ANO2: variants seen among roughly 807,000 people sequenced by gnomAD.
ANO2 encodes the protein anoctamin 2.
A neutral mutation model predicts 124.2 loss-of-function variants in ANO2; 101 were observed. That is an observed-to-expected ratio of 0.81 (90% CI 0.69 to 0.96). The LOEUF (loss-of-function observed/expected upper bound fraction) is 0.96. Ranked by LOEUF, ANO2 falls within the 40% of genes least tolerant of loss-of-function variation. ANO2 has a pLI of 0.00. For missense variants in ANO2, 1,293 were observed against 1,274.5 expected (o/e 1.01, Z -0.22); for synonymous variants, 486 against 482.5 (o/e 1.01, Z -0.09).
chr12:5,753,704 G>A (rs1951501339), intron 10 of ANO2, among the ~76,000 whole-genome samples: 1 of 151,968 alleles, frequency 6.6e-6, no homozygotes, highest in Non-Finnish European at 1.5e-5. Context: ...TAGGTTGTTA[G>A]TGCACAGAAA....
At chr12:5,666,029 G>T (rs1036963636) in intron 14 of ANO2, among the ~76,000 whole-genome samples, 60 of 152,070 alleles carry the variant, frequency 3.9e-4, no homozygotes, top group Admixed American at 2.0e-3. Context: ...CCCTCTCCTT[G>T]GTCTCATCAT....
At chr12:5,754,677 A>G (rs1437563646) in intron 10 of ANO2, among the ~76,000 whole-genome samples, 1 of 152,118 alleles carries the variant, frequency 6.6e-6, no homozygotes, top group African/African-American at 2.4e-5. Context: ...TGTTGATTAT[A>G]TGGTTCTAAG....
chr12:5,865,181 A>G (rs1034203630), intron 3 of ANO2, among the ~76,000 whole-genome samples: 4 of 152,226 alleles, frequency 2.6e-5, no homozygotes, highest in Non-Finnish European at 4.4e-5. Context: ...CTATGATTCA[A>G]TCATCCTAAC....
In ANO2 at chr12:5,635,468, G is replaced by T; in HGVS notation, c.1621-121C>A. On this transcript the variant is annotated intron_variant, in intron 15 of 24. Transcript: ENST00000682330. This position sits in a 1 kb window ranked among gnomAD's most constrained non-coding sequence, Gnocchi z 5.2. ...TTATTAATCTGGAATCTTTTGTTGG[G>T]TAACAAGGGATTCCAGATATTATTA... 1 of 837,188 alleles carries T rather than the reference G, an allele frequency of 1.2e-6. No homozygotes were observed. Among genetic ancestry groups the T allele is most frequent in the Non-Finnish European group, 1.7e-6 (1 of 600,884 alleles). The allele number at this position is 837,188 out of a possible 1,614,324, so 51.9% of individuals were successfully genotyped here. A position where few individuals can be genotyped will look rare whatever the true frequency, so the allele number is the denominator to read the frequency against.
intron 10 of ANO2, among the ~76,000 whole-genome samples, 190 bp from the exon 11 acceptor site, chr12:5,751,160 G>T (rs1296088018): frequency 6.6e-6 from 1 of 152,170 alleles, no homozygotes; most frequent in African/African-American, 2.4e-5. Flanking sequence ...AGCTTTTCTG[G>T]AATGACGTGC....
intron 10 of ANO2, among the ~76,000 whole-genome samples, chr12:5,772,261 G>T (rs1161611775): frequency 2.6e-5 from 4 of 152,132 alleles, no homozygotes; most frequent in African/African-American, 9.7e-5. Flanking sequence ...GACAGAGAAA[G>T]AATTCCATTA....
At chr12:5,588,471 G>A (rs1200925641) in intron 20 of ANO2, among the ~76,000 whole-genome samples, 1 of 152,200 alleles carries the variant, frequency 6.6e-6, no homozygotes, top group East Asian at 1.9e-4. Flanking sequence ...AGTCATCTGG[G>A]TGACCTTAGG....
intron 3 of ANO2, among the ~76,000 whole-genome samples, chr12:5,919,016 G>C (rs1386460221): frequency 6.6e-6 from 1 of 152,118 alleles, no homozygotes; most frequent in African/African-American, 2.4e-5. Context: ...GTCTGTCCTG[G>C]GTGCTGGGGA....
At chr12:5,776,610 G>A (rs763602480) in intron 10 of ANO2, among the ~76,000 whole-genome samples, 5 of 152,222 alleles carry the variant, frequency 3.3e-5, no homozygotes, top group Non-Finnish European at 7.3e-5. Context: ...GCCATTCAGG[G>A]ACGGTACCAG....
intron 7 of ANO2, among the ~76,000 whole-genome samples, chr12:5,818,430 T>C (rs1296368670): frequency 7.2e-6 from 1 of 138,364 alleles, no homozygotes; most frequent in African/African-American, 2.8e-5. Flanking sequence ...TGTGAGTTAA[T>C]ACTTAATAAA....
intron 10 of ANO2, among the ~76,000 whole-genome samples, chr12:5,762,089 T>G (rs1951759411): frequency 6.6e-6 from 1 of 152,086 alleles, no homozygotes; most frequent in Non-Finnish European, 1.5e-5. Flanking sequence ...GAATTTTGTT[T>G]TATGATATGT....
intron 3 of ANO2, among the ~76,000 whole-genome samples, chr12:5,884,065 A>G (rs1938709389): frequency 6.6e-6 from 1 of 152,236 alleles, no homozygotes; most frequent in African/African-American, 2.4e-5. Context: ...TGGGAAACCT[A>G]TAGAGGGACA....
chr12:5,660,140 G>C (rs1947366010), intron 14 of ANO2, among the ~76,000 whole-genome samples: 1 of 152,096 alleles, frequency 6.6e-6, no homozygotes, highest in Admixed American at 6.5e-5. Flanking sequence ...GCCATTAAAT[G>C]CATTTTCTAC....
chr12:5,715,950 T>C (rs1950009139), intron 14 of ANO2, among the ~76,000 whole-genome samples: 1 of 152,178 alleles, frequency 6.6e-6, no homozygotes, highest in South Asian at 2.1e-4. Context: ...TGGGCAACTA[T>C]TGAAATAATA....
At chr12:5,685,219 T>C (rs1478706559) in intron 14 of ANO2, among the ~76,000 whole-genome samples, 4 of 152,184 alleles carry the variant, frequency 2.6e-5, no homozygotes, top group African/African-American at 9.7e-5. Context: ...GGCTTGGTCC[T>C]CAGGTCATCA....
chr12:5,784,509 TTACTTCC>T (rs777058422), intron 10 of ANO2, among the ~76,000 whole-genome samples: 19 of 152,236 alleles, frequency 1.2e-4, no homozygotes, highest in Non-Finnish European at 2.5e-4. Flanking sequence ...GGGTGGCTGC[TTACTTCC>T]TGCACTGGAG....
chr12:5,613,651 T>C (rs943092689), intron 17 of ANO2, among the ~76,000 whole-genome samples: 4 of 152,200 alleles, frequency 2.6e-5, no homozygotes, highest in African/African-American at 4.8e-5. Flanking sequence ...TTTAAGGCTG[T>C]GTAAGCCTTT....
chr12:5,715,463 C>A (rs1385008178), intron 14 of ANO2, among the ~76,000 whole-genome samples: 2 of 152,114 alleles, frequency 1.3e-5, no homozygotes, highest in East Asian at 1.9e-4. Context: ...TACAAGTAAC[C>A]CACCCATTCC....
intron 10 of ANO2, among the ~76,000 whole-genome samples, chr12:5,789,322 G>A (rs1952630827): frequency 6.6e-6 from 1 of 152,234 alleles, no homozygotes; most frequent in Non-Finnish European, 1.5e-5. Flanking sequence ...CATTTTGTTA[G>A]AGTTGATGAC....
Sources: allele counts gnomAD v4.1 joint callset (sites outside exome capture counted in the v4.1 genomes callset), GRCh38; gene constraint gnomAD v4.1.1; non-coding constraint Gnocchi (gnomAD v3.1); transcripts MANE v1.5; gene names NCBI Gene and HGNC (gene_info 2026-07-23, HGNC 2026-07-21).